Variants in KEL observed in about 807,000 individuals in gnomAD.
The protein encoded by KEL is Kell metallo-endopeptidase (Kell blood group), also known as kell blood group glycoprotein.
KEL carries 96 observed loss-of-function variants against 99.5 expected under a neutral mutation model. That is an observed-to-expected ratio of 0.97 (90% CI 0.82 to 1.14). KEL has a LOEUF of 1.14. Ranked by LOEUF, KEL falls within the 50% of genes most tolerant of loss-of-function variation. KEL has a pLI of 0.00. For synonymous variants in KEL, 355 were observed against 354.8 expected (o/e 1.00, Z -0.01); for missense variants, 926 against 924.2 (o/e 1.00, Z -0.03).
chr7:142,955,253 A>T (rs1044377456), intron 6 of KEL, among the ~76,000 whole-genome samples: 1 of 152,230 alleles, frequency 6.6e-6, no homozygotes, highest in Non-Finnish European at 1.5e-5. Flanking sequence ...TGATAAATAA[A>T]ATCTCAAAAC....
Position 142,947,397 on chromosome 7 carries a change from A to G in KEL, c.1204-1080T>C, listed in dbSNP as rs10280245. On this transcript the variant is annotated intron_variant, in intron 10 of 18. Coordinates refer to ENST00000355265, the MANE Select transcript of KEL (RefSeq NM_000420.3). ...GGAGGGGGTTTATGTACATCCCACT[A>G]CAGGAAACAGACCAAAGAGGCCAGT... Among the ~76,000 whole-genome samples, 582 of 152,234 alleles carry G rather than the reference A, an allele frequency of 3.8e-3. 4 individuals are homozygous for G. The highest frequency in any genetic ancestry group is 0.013 in the African/African-American group (549 of 41,546).
chr7:142,946,234 C>G lies in KEL; in HGVS notation c.1287G>C (p.Glu429Asp). The G allele has an allele frequency of 1.2e-6, 2 of 1,614,034 alleles. No homozygotes were observed. Among genetic ancestry groups the G allele is most frequent in the Non-Finnish European group, 8.5e-7 (1 of 1,179,968 alleles). The change falls in exon 11 of 19, where the codon GAG becomes GAC. Residue 429 changes from glutamate (E) to aspartate (D), a missense_variant. Coordinates refer to ENST00000355265, the MANE Select transcript of KEL (RefSeq NM_000420.3). ...EPTLAALFVR[E>D]AFGPSTRSAA... ...CACTTCGGGTGCTCGGGCCAAAGGC[C>G]TCACGAACAAACAAAGCCGCCAGCG...
rs745981653 is a variant in KEL, at chr7:142,942,901, C to T, written c.1915G>A (p.Val639Ile). 3.7e-5 allele frequency: 60 copies of T among 1,614,076 alleles called. No individual in the cohort carries two copies. The highest frequency in any genetic ancestry group is 3.0e-4 in the Admixed American group (18 of 60,002). The change falls in exon 17 of 19, where the codon GTT becomes ATT. Residue 639 changes from valine (V) to isoleucine (I), a missense_variant. Val to Ile is a conservative substitution (Grantham distance 29). Coordinates refer to ENST00000355265, the MANE Select transcript of KEL (RefSeq NM_000420.3). The part of the protein sequence containing the change: ...SLTFLENAAD[V>I]GGLAIALQAY... Reference sequence around the variant, plus strand: ...TGCAGCGCGATGGCTAGCCCCCCAACGTCTGCAGCATTCTCTAAGAATGTG... The same window carrying T: ...TGCAGCGCGATGGCTAGCCCCCCAATGTCTGCAGCATTCTCTAAGAATGTG...
chr7:142,950,917 A>C (rs1257968506), intron 10 of KEL, among the ~76,000 whole-genome samples: 4 of 152,056 alleles, frequency 2.6e-5, no homozygotes, highest in Non-Finnish European at 4.4e-5. Context: ...AAGTTTCTTG[A>C]CCTTTCTGAG....
chr7:142,950,641 A>T (rs1796660033), intron 10 of KEL, among the ~76,000 whole-genome samples: 2 of 152,216 alleles, frequency 1.3e-5, no homozygotes, highest in African/African-American at 4.8e-5. Context: ...CTCAACCAGG[A>T]TCCCCTGGGA....
chr7:142,943,213 C>T, intron 16 of KEL, 63 bp downstream of exon 16: 1 of 1,589,950 alleles, frequency 6.3e-7, no homozygotes, highest in Non-Finnish European at 8.6e-7. Flanking sequence ...CCCTCCAGGC[C>T]TCCCTTGTGG....
rs1017787783 is a variant in KEL at position 142,954,596 on chromosome 7, G to T, written c.673-69C>A. 10 of 1,345,884 alleles carry T rather than the reference G, an allele frequency of 7.4e-6. No homozygotes were observed. The African/African-American group carries it at 1.4e-4, about 19-fold the overall frequency. 83.4% of individuals were successfully genotyped at this position (1,345,884 alleles called of 1,614,324 possible). On this transcript the variant is annotated intron_variant, in intron 6 of 18. Coordinates refer to ENST00000355265, the MANE Select transcript of KEL (RefSeq NM_000420.3). ...TGGAGAGGGCAGGTGTGGGGAGGTG[G>T]GGAATATACCATGGGAGATGGCCTT... is the stretch of plus-strand genomic sequence containing the variant.
chr7:142,961,563 A>G (rs1391700213), intron 2 of KEL, 62 bp from the exon 3 acceptor site: 1 of 1,527,574 alleles, frequency 6.5e-7, no homozygotes, highest in African/African-American at 1.4e-5. Flanking sequence ...GGATGGGAAG[A>G]AGAGGAGAGA....
rs1415047079 is a variant in KEL, at chr7:142,942,468, C to T, written c.2003G>A (p.Ser668Asn). ...GCTTCGAAAGAAGATCTGCTGGGGG[C>T]TGAGGTCCAGGCTGGGCAGGACAGT... ...GETVLPSLDLSPQQIFFRSYA... is the reference protein window; with the variant it reads ...GETVLPSLDLNPQQIFFRSYA... The change falls in exon 18 of 19, where the codon AGC becomes AAC. Residue 668 changes from serine (S) to asparagine (N), a missense_variant. By Grantham distance (46) the Ser-to-Asn change is conservative. Coordinates refer to ENST00000355265, the MANE Select transcript of KEL (RefSeq NM_000420.3). 1.9e-6 allele frequency: 3 copies of T among 1,607,976 alleles called. No homozygotes were observed. Among genetic ancestry groups the T allele is most frequent in the East Asian group, 2.2e-5 (1 of 44,794 alleles).
intron 9 of KEL, among the ~76,000 whole-genome samples, chr7:142,953,151 C>A (rs1796731736): frequency 6.6e-6 from 1 of 152,154 alleles, no homozygotes; most frequent in Non-Finnish European, 1.5e-5. Flanking sequence ...AGGTCCAAGC[C>A]CCTGGAAGAA....
intron 14 of KEL, 54 bp downstream of exon 14, chr7:142,943,729 A>G (rs1478927570): frequency 6.5e-7 from 1 of 1,531,832 alleles, no homozygotes; most frequent in Non-Finnish European, 9.0e-7. Flanking sequence ...TTTCCTGTGA[A>G]TCATGGATGG....
In KEL at chr7:142,961,836, G is replaced by T. The variant is rs777299023; in HGVS notation, c.40C>A (p.Arg14Ser). The T allele has an allele frequency of 6.2e-7, 1 of 1,613,938 alleles. No individual in the cohort carries two copies. Among genetic ancestry groups the T allele is most frequent in the Non-Finnish European group, 8.5e-7 (1 of 1,179,994 alleles). Reference sequence around the variant, plus strand: ...GTTCCCATTCCACCTGCCTGGCTGCGTTCCCTCGGCTCTTCCTCACTTTGG... The same window carrying T: ...GTTCCCATTCCACCTGCCTGGCTGCTTTCCCTCGGCTCTTCCTCACTTTGG... ...GDQSEEEPRE[R>S]SQAGGMGTLW... Residue 14 changes from arginine to serine, a missense_variant, in exon 2 of 19, where the codon CGC becomes AGC. By Grantham distance (110) the Arg-to-Ser change is moderately radical. Coordinates refer to ENST00000355265, the MANE Select transcript of KEL (RefSeq NM_000420.3).
intron 10 of KEL, among the ~76,000 whole-genome samples, chr7:142,952,004 T>TCAGATCCTCCC (rs1796698583): frequency 1.3e-5 from 2 of 152,022 alleles, no homozygotes; most frequent in Admixed American, 1.3e-4. Flanking sequence ...AGGCCCCTCC[T>TCAGATCCTCCC]CAGATATATC....
rs1796350524 is a variant in KEL at position 142,941,412 on chromosome 7, A to G, written c.2039T>C (p.Val680Ala). Residue 680 changes from valine to alanine, a missense_variant and splice_region_variant, in exon 19 of 19, where the codon GTG becomes GCG. Coordinates refer to ENST00000355265, the MANE Select transcript of KEL (RefSeq NM_000420.3). ...QQIFFRSYAQ[V>A]MCRKPSPQDS... ...CTGGGGGCTGGGCTTCCTACACATC[A>G]CCTGAGCAGGAAGAGAGGTCATTGA... The G allele has an allele frequency of 6.3e-7, 1 of 1,592,708 alleles. No individual in the cohort carries two copies. The highest frequency in any genetic ancestry group is 8.6e-7 in the Non-Finnish European group (1 of 1,166,418).
intron 11 of KEL, chr7:142,944,959 C>G: frequency 1.6e-6 from 1 of 613,720 alleles, no homozygotes; most frequent in Non-Finnish European, 2.9e-6. Context: ...CCTGGCCATC[C>G]GTGAGGGCCA....
intron 6 of KEL, among the ~76,000 whole-genome samples, chr7:142,957,472 T>C (rs1470953295): frequency 1.3e-5 from 2 of 152,132 alleles, no homozygotes; most frequent in Admixed American, 1.3e-4. Context: ...GACAGTAGCA[T>C]AGTTAGTTAG....
At chr7:142,954,017 T>G (rs1250331362) in intron 8 of KEL, 61 bp from the exon 9 acceptor site, 1 of 1,598,808 alleles carries the variant, frequency 6.3e-7, no homozygotes, top group Non-Finnish European at 8.5e-7. Context: ...GGAAAGGGCT[T>G]CCCCTTGGGT....
chr7:142,942,740 C>A lies in KEL; in HGVS notation c.1941+135G>T, dbSNP rs930268665. On this transcript the variant is annotated intron_variant, in intron 17 of 18. Transcript: ENST00000355265. ...GGTAGGAGGGGGATCCCCAAGTTGCCGTCTATTCAGTGGGGATGCGAAGGG... is the reference window on the plus strand; with the variant it reads ...GGTAGGAGGGGGATCCCCAAGTTGCAGTCTATTCAGTGGGGATGCGAAGGG... 38 of 1,144,264 alleles carry A rather than the reference C, an allele frequency of 3.3e-5. No individual in the cohort carries two copies. The Middle Eastern group carries it at 6.2e-4, about 19-fold the overall frequency. The allele number at this position is 1,144,264 out of a possible 1,614,324, so 70.9% of individuals were successfully genotyped here. A position where few individuals can be genotyped will look rare whatever the true frequency, so the allele number is the denominator to read the frequency against.
rs755150972 is a variant in KEL at position 142,958,392 on chromosome 7, T to C, written c.437A>G (p.Glu146Gly). The change falls in exon 5 of 19, where the codon GAG (glutamate) becomes GGG (glycine). Residue 146 changes from glutamate (E) to glycine (G), a missense_variant. By Grantham distance (98) the Glu-to-Gly change is moderately conservative. Transcript: ENST00000355265. ...GGAGTTGTAGAACTGGAAGGCTTTC[T>C]CCTCCCCAGAGCCTGGGTGCCAGGA... ...QNSWHPGSGE[E>G]KAFQFYNSCM... is the part of the protein sequence containing the mutation. 1.8e-5 allele frequency: 29 copies of C among 1,614,006 alleles called. No homozygotes were observed. Among genetic ancestry groups the C allele is most frequent in the Admixed American group, 1.3e-4 (8 of 59,992 alleles).
Sources: gnomAD v4.1 joint callset for allele counts (sites outside exome capture counted in the v4.1 genomes callset) on GRCh38, gnomAD v4.1.1 for gene constraint, MANE v1.5 for transcripts, NCBI Gene and HGNC (gene_info 2026-07-23, HGNC 2026-07-21) for gene names.